RIPK4: variants seen among roughly 807,000 people sequenced by gnomAD.
RIPK4 encodes the protein receptor-interacting serine/threonine-protein kinase 4.
Under a neutral mutation model 42.9 loss-of-function variants are expected in RIPK4, and 17 were observed. The ratio of observed to expected loss-of-function variants is 0.40; its 90% confidence interval spans 0.27 to 0.59. The LOEUF is 0.59. Among genes scored for constraint, RIPK4 ranks in the 20% least tolerant of loss-of-function variants. The pLI, the probability that RIPK4 is intolerant of heterozygous loss-of-function variation, is 0.47. For synonymous variants in RIPK4, 498 were observed against 499.1 expected (o/e 1.00, Z 0.03); for missense variants, 897 against 1,104.4 (o/e 0.81, Z 2.66).
In RIPK4 at chr21:41,756,729, T is replaced by C. The variant is rs763506775; in HGVS notation, c.270A>G (p.Glu90=). The change falls in exon 2 of 8, where the codon GAA becomes GAG. Residue 90 remains glutamate (E), a synonymous_variant. Coordinates refer to ENST00000332512, the MANE Select transcript of RIPK4 (RefSeq NM_020639.3). ...YILPVYGICR[E]PVGLVMEYME... is the part of the protein sequence containing the mutation. ...TGTACTCCATGACCAGGCCGACAGGTTCGCGGCAGATGCCATACACAGGCA... is the reference window on the plus strand; with the variant it reads ...TGTACTCCATGACCAGGCCGACAGGCTCGCGGCAGATGCCATACACAGGCA... The C allele has an allele frequency of 6.2e-7, 1 of 1,614,184 alleles. No individual in the cohort carries two copies. Among genetic ancestry groups the C allele is most frequent in the Non-Finnish European group, 8.5e-7 (1 of 1,180,048 alleles).
rs560651602 is a variant in RIPK4, at chr21:41,760,011, C to G, written c.183-3195G>C. Among the ~76,000 whole-genome samples the G allele has an allele frequency of 9.8e-5, 15 of 152,318 alleles. 1 individual carries two copies. In the East Asian group the frequency reaches 2.1e-3, roughly 22 times the overall value. On this transcript the variant is annotated intron_variant, in intron 1 of 7. Coordinates refer to ENST00000332512, the MANE Select transcript of RIPK4 (RefSeq NM_020639.3). The stretch of plus-strand genomic sequence containing the variant: ...TTCTCAATTAGAGGCAACTTCACCC[C>G]CCAAGAAACACTGGGCAATGTCTGG...
At chr21:41,762,052 C>T (rs968445727) in intron 1 of RIPK4, among the ~76,000 whole-genome samples, 1 of 152,224 alleles carries the variant, frequency 6.6e-6, no homozygotes, top group East Asian at 1.9e-4. Context: ...CTCCTGAAAG[C>T]GGATCCCGGC....
intron 6 of RIPK4, 98 bp from the exon 7 acceptor site, chr21:41,744,238 G>GGGAGAT (rs2061163679): frequency 8.6e-7 from 1 of 1,164,722 alleles, no homozygotes; most frequent in Admixed American, 2.8e-5. Flanking sequence ...GGCCACGGGA[G>GGGAGAT]GGAGATGGGG....
chr21:41,746,038 C>A (rs749780844), intron 5 of RIPK4, 176 bp from the exon 6 acceptor site: 4 of 723,168 alleles, frequency 5.5e-6, no homozygotes, highest in Admixed American at 3.8e-5. Flanking sequence ...CAAACCCAGG[C>A]CCCCCCATCG....
rs1224642909 is a variant in RIPK4 at position 41,751,456 on chromosome 21, G to A, written c.475-211C>T. ...AGAAGCAAGCCTGGAGGCATTAGGA[G>A]CAGCACATTTGACGGGCAGGTGAAA... On this transcript the variant is annotated intron_variant, in intron 2 of 7. Coordinates refer to ENST00000332512, the MANE Select transcript of RIPK4 (RefSeq NM_020639.3). The surrounding 1 kb of genome is among the most constrained non-coding windows in gnomAD (Gnocchi z 4.5). Among the ~76,000 whole-genome samples, 2 of 152,256 alleles carry A rather than the reference G, an allele frequency of 1.3e-5. No individual in the cohort carries two copies. Among genetic ancestry groups the A allele is most frequent in the Non-Finnish European group, 2.9e-5 (2 of 68,048 alleles).
At chr21:41,745,738 C>T (rs766983850) in intron 6 of RIPK4, 21 bp downstream of exon 6, 2 of 1,589,736 alleles carry the variant, frequency 1.3e-6, no homozygotes, top group Non-Finnish European at 1.7e-6. Flanking sequence ...ACAAAAGACC[C>T]CTGTGGGAAG....
In RIPK4 at chr21:41,742,827, A is replaced by G. The variant is rs1799990236; in HGVS notation, c.1196-830T>C. Among the ~76,000 whole-genome samples, 1 of 152,102 alleles carries G rather than the reference A, an allele frequency of 6.6e-6. No individual in the cohort carries two copies. Among genetic ancestry groups the G allele is most frequent in the Admixed American group, 6.5e-5 (1 of 15,286 alleles). On this transcript the variant is annotated intron_variant, in intron 7 of 7. Transcript: ENST00000332512. The surrounding 1 kb of genome is among the most constrained non-coding windows in gnomAD (Gnocchi z 5.1). ...ATGTCATTTCAGAGTATTAGACCCA[A>G]AGAGAATGTTCTAGAACGTACTTAT...
intron 1 of RIPK4, among the ~76,000 whole-genome samples, chr21:41,760,051 T>C (rs1485959311): frequency 6.6e-6 from 1 of 152,100 alleles, no homozygotes; most frequent in East Asian, 1.9e-4. Context: ...ATTCTGGCTG[T>C]CACAACTAAA....
intron 1 of RIPK4, among the ~76,000 whole-genome samples, chr21:41,763,706 CTATTTT>C (rs1307064238): frequency 6.6e-6 from 1 of 152,234 alleles, no homozygotes; most frequent in Non-Finnish European, 1.5e-5. Flanking sequence ...TCCCACACGG[CTATTTT>C]TAAAACTGAC....
At position 41,740,708 on chromosome 21, in the gene RIPK4, A is replaced by G; in HGVS notation, c.*130T>C. ...GCAGCAGCCGCCTCCTGATGGCACC[A>G]TGTCACCTCTGCTTGGTTAACATTT... is the stretch of plus-strand genomic sequence containing the variant. On this transcript the variant is annotated 3_prime_UTR_variant, in exon 8 of 8. Coordinates refer to ENST00000332512, the MANE Select transcript of RIPK4 (RefSeq NM_020639.3). 1 of 931,160 alleles carries G rather than the reference A, an allele frequency of 1.1e-6. No individual in the cohort carries two copies. The highest frequency in any genetic ancestry group is 1.6e-6 in the Non-Finnish European group (1 of 640,330). The allele number at this position is 931,160 out of a possible 1,614,324, so 57.7% of individuals were successfully genotyped here.
In RIPK4 at chr21:41,743,907, GGACAGC is replaced by G. The variant is rs867550339; in HGVS notation, c.1164_1169del (p.Leu389_Ser390del). Reference sequence around the variant, plus strand: ...CGCTGGTTGAAGGTTCCCGCTCAAAGGACAGCGACAGTGATCCTCTGGAAGAGAAGG... The same window carrying G: ...CGCTGGTTGAAGGTTCCCGCTCAAAGGACAGTGATCCTCTGGAAGAGAAGG... On this transcript the variant is annotated inframe_deletion, in exon 7 of 8. Coordinates refer to ENST00000332512, the MANE Select transcript of RIPK4 (RefSeq NM_020639.3). 6.2e-7 allele frequency: 1 copy of G among 1,609,784 alleles called. No individual in the cohort carries two copies. Among genetic ancestry groups the G allele is most frequent in the African/African-American group, 1.3e-5 (1 of 74,702 alleles).
chr21:41,759,945 C>G (rs747528102), intron 1 of RIPK4, among the ~76,000 whole-genome samples: 18 of 152,182 alleles, frequency 1.2e-4, no homozygotes, highest in Non-Finnish European at 2.5e-4. Context: ...CAATGCAAGC[C>G]CTGCAGCTAG....
intron 1 of RIPK4, among the ~76,000 whole-genome samples, chr21:41,758,170 C>A (rs1175732132): frequency 1.3e-5 from 2 of 151,328 alleles, no homozygotes; most frequent in Non-Finnish European, 2.9e-5. Flanking sequence ...CAATGTGGTA[C>A]AACCATCACC....
At chr21:41,757,731 T>C (rs961637651) in intron 1 of RIPK4, among the ~76,000 whole-genome samples, 12 of 151,684 alleles carry the variant, frequency 7.9e-5, no homozygotes, top group Non-Finnish European at 1.6e-4. Flanking sequence ...CCGGGTGTGA[T>C]GGCTCATGCC....
Position 41,742,075 on chromosome 21 carries a change from G to C in RIPK4, c.1196-78C>G. 1 of 1,325,480 alleles carries C rather than the reference G, an allele frequency of 7.5e-7. No homozygotes were observed. 82.1% of individuals were successfully genotyped at this position (1,325,480 alleles called of 1,614,324 possible). A position where few individuals can be genotyped will look rare whatever the true frequency, so the allele number is the denominator to read the frequency against. ...TGGCGTCTCTGGGAGCCTGGCTGTG[G>C]CGCTCAGGTGGAGGAGTGCCATGGC... On this transcript the variant is annotated intron_variant, in intron 7 of 7. Coordinates refer to ENST00000332512, the MANE Select transcript of RIPK4 (RefSeq NM_020639.3). This position sits in a 1 kb window ranked among gnomAD's most constrained non-coding sequence, Gnocchi z 5.1.
In RIPK4 at chr21:41,751,271, C is replaced by T. The variant is rs371188240; in HGVS notation, c.475-26G>A. 3.7e-6 allele frequency: 6 copies of T among 1,612,032 alleles called. No individual in the cohort carries two copies. The East Asian group carries it at 1.3e-4, about 36-fold the overall frequency. The stretch of plus-strand genomic sequence containing the variant: ...CTGCAACACAGCCATCAGAGCGGGG[C>T]TCATTAGCCTGCAACAGTGATATTT... On this transcript the variant is annotated intron_variant, in intron 2 of 7. Coordinates refer to ENST00000332512, the MANE Select transcript of RIPK4 (RefSeq NM_020639.3). The surrounding 1 kb of genome is among the most constrained non-coding windows in gnomAD (Gnocchi z 4.5).
In RIPK4 at chr21:41,743,883, G is replaced by T. The variant is rs780302675; in HGVS notation, c.1194C>A (p.Ser398Arg). Residue 398 changes from serine to arginine, a missense_variant and splice_region_variant, in exon 7 of 8, where the codon AGC (serine) becomes AGA (arginine). Physicochemically the swap from Ser to Arg is moderately radical, Grantham distance 110 (BLOSUM62 -1). Transcript: ENST00000332512. Reference protein sequence around the residue: ...SLSFEREPSTSDLGTTDVQKK... With the variant: ...SLSFEREPSTRDLGTTDVQKK... ...GGACACAGAGGCGTCCCCACTCACC[G>T]CTGGTTGAAGGTTCCCGCTCAAAGG... 6.3e-6 allele frequency: 10 copies of T among 1,593,960 alleles called. No individual in the cohort carries two copies. The highest frequency in any genetic ancestry group is 5.1e-6 in the Non-Finnish European group (6 of 1,168,132).
intron 4 of RIPK4, among the ~76,000 whole-genome samples, chr21:41,747,103 TG>T (rs1229777151): frequency 6.6e-6 from 1 of 152,234 alleles, no homozygotes; most frequent in Non-Finnish European, 1.5e-5. Flanking sequence ...CAATATCTTA[TG>T]AGGCTCATTC....
chr21:41,763,857 A>G (rs71318592), intron 1 of RIPK4, among the ~76,000 whole-genome samples: 3,042 of 152,250 alleles, frequency 0.02, 49 homozygotes, highest in South Asian at 0.061. Flanking sequence ...GCTTCTTCTG[A>G]GCATCCCCTT....
Sources: allele counts gnomAD v4.1 joint callset (sites outside exome capture counted in the v4.1 genomes callset), GRCh38; gene constraint gnomAD v4.1.1; non-coding constraint Gnocchi (gnomAD v3.1); transcripts MANE v1.5; gene names NCBI Gene and HGNC (gene_info 2026-07-23, HGNC 2026-07-21).